The following SEPTIN7 variants were observed in gnomAD, a reference collection of about 807,000 sequenced individuals.
The protein encoded by SEPTIN7 is septin-7.
A neutral mutation model predicts 63.3 loss-of-function variants in SEPTIN7; 10 were observed. The ratio of observed to expected loss-of-function variants is 0.16; its 90% CI spans 0.10 to 0.27. SEPTIN7 has a LOEUF of 0.27. Among genes scored for constraint, SEPTIN7 ranks in the 10% least tolerant of loss-of-function variants. The pLI, the probability that SEPTIN7 is intolerant of heterozygous loss-of-function variation, is 1.00. For synonymous variants in SEPTIN7, 131 were observed against 165.3 expected (o/e 0.79, Z 1.59); for missense variants, 310 against 521.0 (o/e 0.59, Z 3.94).
At chr7:35,840,339 G>A (rs1291473680) in intron 3 of SEPTIN7, among the ~76,000 whole-genome samples, 1 of 148,750 alleles carries the variant, frequency 6.7e-6, no homozygotes. Context: ...GCTCCCTGCA[G>A]CCTTGAGCCC....
intron 10 of SEPTIN7, chr7:35,888,916 A>G: frequency 3.5e-6 from 1 of 288,886 alleles, no homozygotes; most frequent in Non-Finnish European, 7.1e-6. Flanking sequence ...CCACTTAGAG[A>G]AACTGGTTCC....
At chr7:35,813,585 A>C (rs1418803499) in intron 1 of SEPTIN7, among the ~76,000 whole-genome samples, 1 of 152,118 alleles carries the variant, frequency 6.6e-6, no homozygotes, top group Non-Finnish European at 1.5e-5. Context: ...ATGTTGACCA[A>C]GCTGGTCTCA....
Position 35,832,914 on chromosome 7 carries a change from T to A in SEPTIN7, c.169+14T>A. The A allele has an allele frequency of 6.9e-7, 1 of 1,459,124 alleles. No homozygotes were observed. The highest frequency in any genetic ancestry group is 9.6e-7 in the Non-Finnish European group (1 of 1,040,078). 90.4% of individuals were successfully genotyped at this position (1,459,124 alleles called of 1,614,324 possible). On this transcript the variant is annotated intron_variant, in intron 3 of 13. Transcript: ENST00000350320. ...TTATGGTAGTGGGTAAGATATGATT[T>A]CTTACTAAAATGGAACTTTGGTTTA...
chr7:35,865,146 T>C (rs1008799756), intron 4 of SEPTIN7, among the ~76,000 whole-genome samples: 5 of 152,142 alleles, frequency 3.3e-5, no homozygotes, highest in African/African-American at 1.2e-4. Context: ...ATTTTAATCC[T>C]AAGCAAGAAA....
chr7:35,879,160 A>C (rs1329654579), intron 6 of SEPTIN7, among the ~76,000 whole-genome samples: 1 of 152,196 alleles, frequency 6.6e-6, no homozygotes, highest in African/African-American at 2.4e-5. Flanking sequence ...CAGCAGCCAG[A>C]TTGTAATGAA....
chr7:35,914,951 T>C, the SEPTIN7 span, among the ~76,000 whole-genome samples: 1 of 152,092 alleles, frequency 6.6e-6, no homozygotes, highest in Non-Finnish European at 1.5e-5. Flanking sequence ...CACGTATCCA[T>C]GCATACCTAC....
intron 4 of SEPTIN7, among the ~76,000 whole-genome samples, chr7:35,868,310 C>T (rs1785940509): frequency 6.6e-6 from 1 of 152,168 alleles, no homozygotes; most frequent in East Asian, 1.9e-4. Flanking sequence ...AGAGCCCTAT[C>T]AGGAGAGTCT....
rs115009729 is a variant in SEPTIN7 at position 35,817,252 on chromosome 7, T to G, written c.62-14240T>G. Among the ~76,000 whole-genome samples the G allele has an allele frequency of 2.6e-3, 389 of 152,182 alleles. 2 individuals carry two copies. The highest frequency in any genetic ancestry group is 8.7e-3 in the African/African-American group (362 of 41,560). Reference sequence around the variant, plus strand: ...TGTGTATGGCGTGAGATAGGAGTCATTCTTTTGTATGTGGCTATCCAGTAG... The same window carrying G: ...TGTGTATGGCGTGAGATAGGAGTCAGTCTTTTGTATGTGGCTATCCAGTAG... On this transcript the variant is annotated intron_variant, in intron 1 of 13. Coordinates refer to ENST00000350320, the MANE Select transcript of SEPTIN7 (RefSeq NM_001788.6).
intron 1 of SEPTIN7, among the ~76,000 whole-genome samples, chr7:35,829,128 CTTTTTTTTT>C (rs71553032): frequency 6.6e-5 from 4 of 61,062 alleles, no homozygotes; most frequent in Non-Finnish European, 8.7e-5. Context: ...CATGGACCTT[CTTTTTTTTT>C]TTTTTTTTTT....
intron 4 of SEPTIN7, among the ~76,000 whole-genome samples, chr7:35,864,205 A>G (rs773451825): frequency 1.1e-4 from 16 of 152,086 alleles, no homozygotes; most frequent in East Asian, 1.9e-4. Flanking sequence ...TTGAATGGCA[A>G]TAGCGATTCT....
intron 10 of SEPTIN7, among the ~76,000 whole-genome samples, chr7:35,889,828 G>A (rs1787525951): frequency 6.6e-6 from 1 of 152,176 alleles, no homozygotes; most frequent in African/African-American, 2.4e-5. Flanking sequence ...ACAGGTGTGA[G>A]CCAGCGTGCC....
chr7:35,824,022 T>A (rs1783376751), intron 1 of SEPTIN7, among the ~76,000 whole-genome samples: 1 of 151,884 alleles, frequency 6.6e-6, no homozygotes, highest in Admixed American at 6.6e-5. Flanking sequence ...TTTTTTTTTT[T>A]AAGTGCTTAA....
chr7:35,871,496 A>G (rs899067513), intron 4 of SEPTIN7, among the ~76,000 whole-genome samples: 4 of 152,250 alleles, frequency 2.6e-5, no homozygotes, highest in African/African-American at 4.8e-5. Context: ...GTTGCTGCTC[A>G]TAATAGTTGA....
intron 11 of SEPTIN7, among the ~76,000 whole-genome samples, chr7:35,897,690 T>G (rs1788035354): frequency 6.6e-6 from 1 of 152,148 alleles, no homozygotes; most frequent in Non-Finnish European, 1.5e-5. Flanking sequence ...TCAAGAGCAT[T>G]GAAGTTATCA....
chr7:35,888,941 A>G (rs6945909), intron 10 of SEPTIN7: 89,531 of 285,892 alleles, frequency 0.31, 14,702 homozygotes, highest in East Asian at 0.41. Context: ...AGTGTTTATC[A>G]TATCTCAGCT....
downstream of SEPTIN7, among the ~76,000 whole-genome samples, chr7:35,908,702 T>C (rs1321271406): frequency 6.6e-6 from 1 of 152,156 alleles, no homozygotes; most frequent in Non-Finnish European, 1.5e-5. Flanking sequence ...TGTTCTCTCT[T>C]CGAGGTGGGC....
chr7:35,820,413 C>G (rs755120042), intron 1 of SEPTIN7, among the ~76,000 whole-genome samples: 3 of 152,088 alleles, frequency 2.0e-5, no homozygotes, highest in East Asian at 1.9e-4. Context: ...TTCTGTAGGT[C>G]TCTGGCTCTG....
At chr7:35,840,944 A>G (rs1332760456) in intron 3 of SEPTIN7, among the ~76,000 whole-genome samples, 3 of 152,228 alleles carry the variant, frequency 2.0e-5, no homozygotes, top group Non-Finnish European at 4.4e-5. Flanking sequence ...TTTTTCAGTA[A>G]TTCGTATATT....
intron 3 of SEPTIN7, among the ~76,000 whole-genome samples, chr7:35,840,029 A>G (rs1784328833): frequency 6.6e-6 from 1 of 152,166 alleles, no homozygotes; most frequent in Non-Finnish European, 1.5e-5. Flanking sequence ...GGATTATTAG[A>G]TCAAAGTATT....
Sources: gnomAD v4.1 joint callset for allele counts (sites outside exome capture counted in the v4.1 genomes callset) on GRCh38, gnomAD v4.1.1 for gene constraint, MANE v1.5 for transcripts, NCBI Gene and HGNC (gene_info 2026-07-23, HGNC 2026-07-21) for gene names.